Variants in MANBA observed in about 807,000 individuals in gnomAD.
MANBA encodes beta-mannosidase.
MANBA carries 83 observed loss-of-function variants against 111.1 expected under a neutral mutation model. The ratio of observed to expected loss-of-function variants is 0.75; its 90% CI spans 0.63 to 0.90. MANBA has a LOEUF of 0.90. Ranked by LOEUF, MANBA falls within the 40% of genes least tolerant of loss-of-function variation. The probability of loss-of-function intolerance (pLI) is 0.00; values close to 1 mark genes in which losing one functional copy is unlikely to be tolerated. For synonymous variants in MANBA, 370 were observed against 378.7 expected (o/e 0.98, Z 0.27); for missense variants, 1,036 against 1,069.0 (o/e 0.97, Z 0.43).
At chr4:102,676,194 C>T (rs941358081) in intron 7 of MANBA, among the ~76,000 whole-genome samples, 3 of 152,016 alleles carry the variant, frequency 2.0e-5, no homozygotes, top group African/African-American at 7.3e-5. Flanking sequence ...CCTTTTTGTG[C>T]GTTATGCAAT....
At chr4:102,732,388 T>C (rs139879583) in intron 1 of MANBA, among the ~76,000 whole-genome samples, 4 of 152,316 alleles carry the variant, frequency 2.6e-5, no homozygotes, top group African/African-American at 9.6e-5. Flanking sequence ...TTAGGGACCG[T>C]AACTCCAAGT....
intron 5 of MANBA, among the ~76,000 whole-genome samples, chr4:102,710,123 C>T (rs955945140): frequency 2.0e-5 from 3 of 152,094 alleles, no homozygotes; most frequent in South Asian, 2.1e-4. Context: ...CCCACGTTCA[C>T]CACTCCTATC....
At chr4:102,683,763 C>T (rs1732084125) in intron 7 of MANBA, among the ~76,000 whole-genome samples, 1 of 152,182 alleles carries the variant, frequency 6.6e-6, no homozygotes, top group Non-Finnish European at 1.5e-5. Flanking sequence ...TTCTAAGGTC[C>T]CTCAGGCAAT....
At chr4:102,687,247 C>G (rs1016598929) in intron 7 of MANBA, among the ~76,000 whole-genome samples, 2 of 152,090 alleles carry the variant, frequency 1.3e-5, no homozygotes, top group African/African-American at 4.8e-5. Flanking sequence ...TTCTGTAGAC[C>G]AACCAATCCT....
intron 5 of MANBA, among the ~76,000 whole-genome samples, chr4:102,708,342 C>T (rs762414234): frequency 6.6e-6 from 1 of 151,886 alleles, no homozygotes; most frequent in Non-Finnish European, 1.5e-5. Flanking sequence ...AAATCAATAA[C>T]AAGAGGAACT....
Position 102,632,285 on chromosome 4 carries a change from A to G in MANBA, c.2416-4T>C, listed in dbSNP as rs1729419348. ...CACCTTGCTGAGAGATGATGGCCTG[A>G]AAAAGAAAAAAAAAAATGAATGAAG... On this transcript the variant is annotated splice_region_variant and splice_polypyrimidine_tract_variant and intron_variant, in intron 16 of 16. Transcript: ENST00000647097. The G allele has an allele frequency of 6.5e-7, 1 of 1,530,336 alleles. No homozygotes were observed. The highest frequency in any genetic ancestry group is 1.9e-5 in the Admixed American group (1 of 53,632). 94.8% of individuals were successfully genotyped at this position (1,530,336 alleles called of 1,614,324 possible).
chr4:102,693,479 A>G (rs1259982277), intron 5 of MANBA, among the ~76,000 whole-genome samples: 1 of 152,226 alleles, frequency 6.6e-6, no homozygotes, highest in Non-Finnish European at 1.5e-5. Flanking sequence ...ATGTGAGGAC[A>G]TAGCAAGAAG....
Position 102,631,946 on chromosome 4 carries a change from A to T in MANBA, c.*111T>A. 1.1e-6 allele frequency: 1 copy of T among 924,544 alleles called. No homozygotes were observed. Among genetic ancestry groups the T allele is most frequent in the Non-Finnish European group, 1.7e-6 (1 of 572,992 alleles). 57.3% of individuals were successfully genotyped at this position (924,544 alleles called of 1,614,324 possible). A position where few individuals can be genotyped will look rare whatever the true frequency, so the allele number is the denominator to read the frequency against. ...AGCAATCGCTCAAATGCGTGGCAGC[A>T]CGCAGACATGTCTCTCGGCTTCTCT... On this transcript the variant is annotated 3_prime_UTR_variant, in exon 17 of 17. Transcript: ENST00000647097.
intron 1 of MANBA, chr4:102,730,699 G>A (rs562214994): frequency 1.9e-6 from 1 of 534,154 alleles, no homozygotes; most frequent in Non-Finnish European, 3.8e-6. Context: ...CTTCATGAAC[G>A]CTCCTTCTGG....
chr4:102,740,170 C>G (rs1723351251), intron 1 of MANBA, among the ~76,000 whole-genome samples: 1 of 152,094 alleles, frequency 6.6e-6, no homozygotes, highest in Non-Finnish European at 1.5e-5. Flanking sequence ...ATAATCAAAT[C>G]AAGAACTCAA....
At chr4:102,716,715 T>C (rs2110276348) in intron 4 of MANBA, among the ~76,000 whole-genome samples, 1 of 152,326 alleles carries the variant, frequency 6.6e-6, no homozygotes, top group South Asian at 2.1e-4. Flanking sequence ...GTTCAGCTTT[T>C]AAAAAGGAAT....
At chr4:102,760,522 G>T (rs1019161766) in intron 1 of MANBA, among the ~76,000 whole-genome samples, 196 bp downstream of exon 1, 1 of 152,142 alleles carries the variant, frequency 6.6e-6, no homozygotes, top group Non-Finnish European at 1.5e-5. Context: ...AACATGGGTC[G>T]GTCGCTCAGT....
At chr4:102,737,724 C>T (rs534440869) in intron 1 of MANBA, among the ~76,000 whole-genome samples, 13 of 152,198 alleles carry the variant, frequency 8.5e-5, no homozygotes, top group South Asian at 8.3e-4. Flanking sequence ...CCTCGTGATC[C>T]GCCCGCCTCG....
intron 8 of MANBA, among the ~76,000 whole-genome samples, chr4:102,673,414 A>T (rs191504617): frequency 1.3e-5 from 2 of 152,080 alleles, no homozygotes; most frequent in African/African-American, 4.8e-5. Context: ...AGGCTGAGGC[A>T]GGAGAATCGC....
intron 8 of MANBA, among the ~76,000 whole-genome samples, chr4:102,673,651 T>C (rs1391441193): frequency 6.6e-6 from 1 of 152,234 alleles, no homozygotes; most frequent in Non-Finnish European, 1.5e-5. Context: ...CATTTTCTTA[T>C]TTCTCCAGAA....
intron 5 of MANBA, among the ~76,000 whole-genome samples, chr4:102,712,054 G>C (rs573985776): frequency 6.6e-6 from 1 of 152,290 alleles, no homozygotes; most frequent in South Asian, 2.1e-4. Flanking sequence ...AAAATAGCTA[G>C]AAGAGAGGAC....
rs144812644 is a variant in MANBA at position 102,736,207 on chromosome 4, G to C, written c.178-9524C>G. Among the ~76,000 whole-genome samples the C allele has an allele frequency of 5.6e-3, 854 of 152,232 alleles. 6 individuals are homozygous for C. The highest frequency in any genetic ancestry group is 9.5e-3 in the Non-Finnish European group (643 of 68,016). On this transcript the variant is annotated intron_variant, in intron 1 of 16. Coordinates refer to ENST00000647097, the MANE Select transcript of MANBA (RefSeq NM_005908.4). ...GGTCCATATACTTAGTCATTACCTAGTACTACCATTAACATCACAACACCA... is the reference window on the plus strand; with the variant it reads ...GGTCCATATACTTAGTCATTACCTACTACTACCATTAACATCACAACACCA...
intron 7 of MANBA, among the ~76,000 whole-genome samples, chr4:102,686,076 A>G (rs948559501): frequency 2.6e-5 from 4 of 152,192 alleles, no homozygotes; most frequent in Admixed American, 2.6e-4. Flanking sequence ...CTTTCAGCAC[A>G]GAGTGGTATT....
At chr4:102,698,400 C>T (rs1404881473) in intron 5 of MANBA, among the ~76,000 whole-genome samples, 2 of 150,020 alleles carry the variant, frequency 1.3e-5, no homozygotes, top group Non-Finnish European at 3.0e-5. Context: ...GTTGCCATTG[C>T]TTTTGGTGTT....
Sources: allele counts gnomAD v4.1 joint callset (sites outside exome capture counted in the v4.1 genomes callset), GRCh38; gene constraint gnomAD v4.1.1; transcripts MANE v1.5; gene names NCBI Gene and HGNC (gene_info 2026-07-23, HGNC 2026-07-21).